Variants in TMEM156 observed in about 807,000 individuals in gnomAD.
TMEM156 encodes the protein transmembrane protein 156.
Under a neutral mutation model 30.5 loss-of-function variants are expected in TMEM156, and 28 were observed. That is an observed-to-expected ratio of 0.92 (90% CI 0.68 to 1.26). TMEM156 has a LOEUF of 1.26. Ranked by LOEUF, TMEM156 falls within the 50% of genes most tolerant of loss-of-function variation. The pLI is 0.00. For synonymous variants in TMEM156, 137 were observed against 119.9 expected (o/e 1.14, Z -0.93); for missense variants, 351 against 340.6 (o/e 1.03, Z -0.24).
At chr4:39,021,667 G>A (rs1225809115) in intron 1 of TMEM156, among the ~76,000 whole-genome samples, 1 of 152,022 alleles carries the variant, frequency 6.6e-6, no homozygotes, top group East Asian at 1.9e-4. Context: ...GTATATGTCT[G>A]CTTTTGTTGC....
At chr4:38,976,354 G>A (rs77955266) in intron 5 of TMEM156, among the ~76,000 whole-genome samples, 5,256 of 151,380 alleles carry the variant, frequency 0.035, 128 homozygotes, top group African/African-American at 0.068. Context: ...AGGGACTCCT[G>A]GTGGTGACTG....
At chr4:38,978,686 A>G (rs1723019324) in intron 5 of TMEM156, among the ~76,000 whole-genome samples, 1 of 152,122 alleles carries the variant, frequency 6.6e-6, no homozygotes, top group African/African-American at 2.4e-5. Context: ...ATTATTCCCA[A>G]TCCAAAGCTT....
At chr4:39,001,962 A>C (rs1256553461) in intron 1 of TMEM156, among the ~76,000 whole-genome samples, 2 of 140,710 alleles carry the variant, frequency 1.4e-5, no homozygotes, top group South Asian at 2.4e-4. Flanking sequence ...CCATTCAGGA[A>C]ATAGGCATGG....
intron 1 of TMEM156, among the ~76,000 whole-genome samples, chr4:39,002,338 C>G (rs1358489689): frequency 4.0e-5 from 6 of 151,856 alleles, no homozygotes; most frequent in Non-Finnish European, 8.8e-5. Context: ...AATGAGATAC[C>G]ATCTCACACC....
rs769778487 is a variant in TMEM156 at position 39,020,644 on chromosome 4, C to T, written c.88+11582G>A. ...TCGGCTCACTGCAACCTCCACCTCCCGTTCGAGCAATTCTCCTGCTTCAGC... is the reference window on the plus strand; with the variant it reads ...TCGGCTCACTGCAACCTCCACCTCCTGTTCGAGCAATTCTCCTGCTTCAGC... On this transcript the variant is annotated intron_variant, in intron 1 of 6. Coordinates refer to ENST00000381938, the MANE Select transcript of TMEM156 (RefSeq NM_024943.3). Among the ~76,000 whole-genome samples, 13 of 152,002 alleles carry T rather than the reference C, an allele frequency of 8.6e-5. No homozygotes were observed. The South Asian group carries it at 1.4e-3, about 17-fold the overall frequency.
intron 1 of TMEM156, among the ~76,000 whole-genome samples, chr4:39,027,785 C>G (rs1472934505): frequency 7.8e-6 from 1 of 128,666 alleles, no homozygotes; most frequent in African/African-American, 2.9e-5. Context: ...GAGAAGAAGT[C>G]TCGCTTTGTC....
chr4:38,976,955 G>T (rs1722885470), intron 5 of TMEM156, among the ~76,000 whole-genome samples: 2 of 152,116 alleles, frequency 1.3e-5, no homozygotes, highest in South Asian at 2.1e-4. Context: ...GCCCAGGCTG[G>T]AGTGCAGTGG....
chr4:38,984,904 G>A (rs1489096476), intron 5 of TMEM156, among the ~76,000 whole-genome samples: 1 of 152,186 alleles, frequency 6.6e-6, no homozygotes, highest in Non-Finnish European at 1.5e-5. Flanking sequence ...TTTGGTGGAT[G>A]AAAGTCACAG....
At chr4:38,990,620 ACCCATC>A (rs1283622226) in intron 3 of TMEM156, among the ~76,000 whole-genome samples, 1 of 152,032 alleles carries the variant, frequency 6.6e-6, no homozygotes, top group Non-Finnish European at 1.5e-5. Context: ...TGTGCTGCCC[ACCCATC>A]CCTGCAGCCT....
In TMEM156 at chr4:38,986,396, C is replaced by G; in HGVS notation, c.763G>C (p.Val255Leu). The G allele has an allele frequency of 6.8e-6, 11 of 1,613,378 alleles. No individual in the cohort carries two copies. Among genetic ancestry groups the G allele is most frequent in the Non-Finnish European group, 9.3e-6 (11 of 1,179,428 alleles). Residue 255 changes from valine to leucine, a missense_variant, in exon 5 of 7, where the codon GTT becomes CTT. Coordinates refer to ENST00000381938, the MANE Select transcript of TMEM156 (RefSeq NM_024943.3). Reference sequence around the variant, plus strand: ...TCCGAATCACTTCCTCTTAAGAGAACAGATGTAGGTTTGTCTCTATGACCT... The same window carrying G: ...TCCGAATCACTTCCTCTTAAGAGAAGAGATGTAGGTTTGTCTCTATGACCT... ...WQSHRDKPTS[V>L]LLRGSDSEKL...
intron 1 of TMEM156, among the ~76,000 whole-genome samples, chr4:39,031,161 CTATT>C (rs1455118518): frequency 3.9e-5 from 6 of 152,310 alleles, no homozygotes; most frequent in South Asian, 2.1e-4. Flanking sequence ...CATATAAAGA[CTATT>C]TAATGATAGA....
intron 4 of TMEM156, among the ~76,000 whole-genome samples, chr4:38,986,807 C>CAAAAAAAAAAAAAAAAAAAA (rs59087758): frequency 4.2e-5 from 1 of 23,746 alleles, no homozygotes; most frequent in Non-Finnish European, 8.2e-5. Flanking sequence ...GACTCCATCT[C>CAAAAAAAAAAAAAAAAAAAA]AAAAAAAAAA....
rs1406674087 is a variant in TMEM156, at chr4:38,971,111, C to T, written c.850G>A (p.Asp284Asn). ...GGGGGAAGCACTTCCTGGACTTGAT[C>T]CAAAGGCAGCCTCTGCGTGGTCTCT... ...SAETTQRLPLDQVQEVLPPIP... is the reference protein window; with the variant it reads ...SAETTQRLPLNQVQEVLPPIP... Residue 284 changes from aspartate (D) to asparagine (N), a missense_variant, in exon 6 of 7, where the codon GAT (aspartate) becomes AAT (asparagine). Physicochemically the swap from Asp to Asn is conservative, Grantham distance 23 (BLOSUM62 1). Transcript: ENST00000381938. 4 of 1,613,880 alleles carry T rather than the reference C, an allele frequency of 2.5e-6. No homozygotes were observed. The highest frequency in any genetic ancestry group is 3.3e-5 in the Admixed American group (2 of 59,992).
intron 5 of TMEM156, among the ~76,000 whole-genome samples, chr4:38,979,541 G>T (rs1723075110): frequency 1.3e-5 from 2 of 152,184 alleles, no homozygotes; most frequent in South Asian, 4.1e-4. Flanking sequence ...CCTCCCAGGG[G>T]GCATGCACAG....
intron 1 of TMEM156, among the ~76,000 whole-genome samples, chr4:39,009,052 T>A (rs1713934253): frequency 6.6e-6 from 1 of 151,918 alleles, no homozygotes; most frequent in Admixed American, 6.6e-5. Flanking sequence ...ATAACCATGA[T>A]CAGAAATGAC....
At chr4:38,984,101 G>A (rs1577519816) in intron 5 of TMEM156, among the ~76,000 whole-genome samples, 1 of 152,170 alleles carries the variant, frequency 6.6e-6, no homozygotes, top group South Asian at 2.1e-4. Context: ...CTCAAAGCAA[G>A]GAGGAAAATA....
chr4:39,022,043 T>C (rs938997528), intron 1 of TMEM156, among the ~76,000 whole-genome samples: 1 of 152,190 alleles, frequency 6.6e-6, no homozygotes, highest in Non-Finnish European at 1.5e-5. Context: ...GAATTTTACT[T>C]TGGGAAATTA....
chr4:39,021,322 T>G (rs1156495498), intron 1 of TMEM156, among the ~76,000 whole-genome samples: 4 of 150,244 alleles, frequency 2.7e-5, no homozygotes, highest in Admixed American at 6.7e-5. Flanking sequence ...GTGGACCGCT[T>G]GAGCCCTGGA....
chr4:38,980,833 G>A, intron 5 of TMEM156: 1 of 757,956 alleles, frequency 1.3e-6, no homozygotes, highest in Non-Finnish European at 1.6e-6. Flanking sequence ...GTTCAGGCAG[G>A]GACAATCTAT....
Sources: gnomAD v4.1 joint callset for allele counts (sites outside exome capture counted in the v4.1 genomes callset) on GRCh38, gnomAD v4.1.1 for gene constraint, MANE v1.5 for transcripts, NCBI Gene and HGNC (gene_info 2026-07-23, HGNC 2026-07-21) for gene names.